The following PCDHGB5 variants were observed in gnomAD, a reference collection of about 807,000 sequenced individuals.
PCDHGB5 encodes protocadherin gamma subfamily B, 5, also known as protocadherin gamma-B5.
A neutral mutation model predicts 62.9 loss-of-function variants in PCDHGB5; 48 were observed. The observed-to-expected ratio is 0.76, with a 90% CI of 0.61 to 0.97. The LOEUF (loss-of-function observed/expected upper bound fraction) is 0.97. Ranked by LOEUF, PCDHGB5 falls within the 50% of genes least tolerant of loss-of-function variation. The pLI, the probability that PCDHGB5 is intolerant of heterozygous loss-of-function variation, is 0.00. For missense variants in PCDHGB5, 1,118 were observed against 1,198.6 expected, an observed-to-expected ratio of 0.93 and a Z score of 0.99; for synonymous variants, 474 against 511.2, an observed-to-expected ratio of 0.93 and a Z score of 0.98.
chr5:141,410,826 G>T, intron 1 of PCDHGB5: 4 of 379,152 alleles, frequency 1.1e-5, no homozygotes, highest in Non-Finnish European at 9.0e-6. Flanking sequence ...AATGTCACCA[G>T]ACTGAAGATA....
At position 141,485,437 on chromosome 5, in the gene PCDHGB5, C is replaced by A. The variant is rs2099613420; in HGVS notation, c.2398-9370C>A. The A allele has an allele frequency of 6.2e-7, 1 of 1,614,174 alleles. No individual in the cohort carries two copies. Among genetic ancestry groups the A allele is most frequent in the Non-Finnish European group, 8.5e-7 (1 of 1,180,028 alleles). On this transcript the variant is annotated intron_variant, in intron 1 of 3. Transcript: ENST00000617380. The surrounding 1 kb of genome is among the most constrained non-coding windows in gnomAD (Gnocchi z 5.7). ...ACAGCGGAGCCCTGCTCATCAAGAA[C>A]CCAATCGACCGAGAGGCACTGTGTG...
intron 3 of PCDHGB5, among the ~76,000 whole-genome samples, chr5:141,509,532 A>C (rs2099877210): frequency 6.6e-6 from 1 of 152,124 alleles, no homozygotes; most frequent in African/African-American, 2.4e-5. Flanking sequence ...GCACAGGATG[A>C]AGCACCATCT....
At chr5:141,506,252 C>T (rs1158047426) in intron 3 of PCDHGB5, among the ~76,000 whole-genome samples, 1 of 151,968 alleles carries the variant, frequency 6.6e-6, no homozygotes, top group African/African-American at 2.4e-5. Flanking sequence ...AGTTCGAAAC[C>T]GGCCTGGCCA....
chr5:141,499,725 C>T (rs554409998), intron 2 of PCDHGB5, among the ~76,000 whole-genome samples: 3 of 138,474 alleles, frequency 2.2e-5, no homozygotes, highest in African/African-American at 5.4e-5. Context: ...GACAGAGTCT[C>T]ACTCTCTTGC....
At chr5:141,466,794 T>C (rs1487051313) in intron 1 of PCDHGB5, among the ~76,000 whole-genome samples, 2 of 152,226 alleles carry the variant, frequency 1.3e-5, no homozygotes, top group Non-Finnish European at 2.9e-5. Context: ...TGCCTCAAAC[T>C]AGATCCTATT....
chr5:141,409,644 TG>T, intron 1 of PCDHGB5: 1 of 1,613,700 alleles, frequency 6.2e-7, no homozygotes, highest in Non-Finnish European at 8.5e-7. Flanking sequence ...GACCCGGATT[TG>T]GGGCTCAATG....
chr5:141,427,220 T>G (rs1487350481), intron 1 of PCDHGB5: 1 of 456,710 alleles, frequency 2.2e-6, no homozygotes, highest in East Asian at 6.9e-5. Flanking sequence ...TTCGTAGCAG[T>G]TATACCATGA....
At chr5:141,415,469 C>G (rs1247738517) in intron 1 of PCDHGB5, 1 of 1,614,090 alleles carries the variant, frequency 6.2e-7, no homozygotes, top group Non-Finnish European at 8.5e-7. Context: ...TCTCTCACCG[C>G]GGACTCGCGA....
intron 1 of PCDHGB5, chr5:141,415,853 GTAGT>G: frequency 2.5e-6 from 3 of 1,186,350 alleles, no homozygotes; most frequent in Non-Finnish European, 3.3e-6. Context: ...GCAGAACCTT[GTAGT>G]TTATAGTGTT....
intron 1 of PCDHGB5, chr5:141,478,628 T>G (rs1245431927): frequency 6.4e-7 from 1 of 1,553,704 alleles, no homozygotes; most frequent in African/African-American, 1.4e-5. Context: ...GAGCTGTTTT[T>G]TTAGTGATGA....
intron 1 of PCDHGB5, among the ~76,000 whole-genome samples, chr5:141,454,476 A>G (rs918910449): frequency 6.6e-6 from 1 of 151,806 alleles, no homozygotes; most frequent in Non-Finnish European, 1.5e-5. Flanking sequence ...GCATGATCTC[A>G]GCTCACCGCA....
chr5:141,399,237 A>C lies in PCDHGB5; in HGVS notation c.1110A>C (p.Gln370His). ...TLIALIKIHDQDSGENGEVNC... is the reference protein window; with the variant it reads ...TLIALIKIHDHDSGENGEVNC... ...TTGCTTTGATCAAAATACATGACCA[A>C]GATTCTGGGGAAAATGGGGAGGTTA... Residue 370 changes from glutamine to histidine, a missense_variant, in exon 1 of 4, where the codon CAA becomes CAC. Coordinates refer to ENST00000617380, the MANE Select transcript of PCDHGB5 (RefSeq NM_018925.3). 6.2e-7 allele frequency: 1 copy of C among 1,614,002 alleles called. No individual in the cohort carries two copies. Among genetic ancestry groups the C allele is most frequent in the Non-Finnish European group, 8.5e-7 (1 of 1,179,886 alleles).
At position 141,476,666 on chromosome 5, in the gene PCDHGB5, G is replaced by A. The variant is rs2099395856; in HGVS notation, c.2398-18141G>A. On this transcript the variant is annotated intron_variant, in intron 1 of 3. Coordinates refer to ENST00000617380, the MANE Select transcript of PCDHGB5 (RefSeq NM_018925.3). The surrounding 1 kb of genome is among the most constrained non-coding windows in gnomAD (Gnocchi z 7.6). The stretch of plus-strand genomic sequence containing the variant: ...CCGAAATGAATACTTTGCGCTTCGC[G>A]TGCAGACGCGGGAGGACAGCACCAA... 6.2e-7 allele frequency: 1 copy of A among 1,614,128 alleles called. No individual in the cohort carries two copies.
chr5:141,415,311 C>T, intron 1 of PCDHGB5: 2 of 1,614,242 alleles, frequency 1.2e-6, no homozygotes, highest in Non-Finnish European at 1.7e-6. Context: ...TGGCCTTCGT[C>T]ATCGTGCTGC....
chr5:141,455,759 A>G (rs1013283124), intron 1 of PCDHGB5, among the ~76,000 whole-genome samples: 4 of 152,300 alleles, frequency 2.6e-5, no homozygotes, highest in South Asian at 4.1e-4. Context: ...CCTGGCTCCT[A>G]GAGCCGGGGC....
chr5:141,456,122 C>A (rs1411002229), intron 1 of PCDHGB5, among the ~76,000 whole-genome samples: 1 of 152,176 alleles, frequency 6.6e-6, no homozygotes, highest in East Asian at 1.9e-4. Context: ...TGGTCTCCAT[C>A]TCCTGACCTC....
rs1385408442 is a variant in PCDHGB5 at position 141,487,321 on chromosome 5, T to A, written c.2398-7486T>A. 1 of 1,614,198 alleles carries A rather than the reference T, an allele frequency of 6.2e-7. No homozygotes were observed. The highest frequency in any genetic ancestry group is 1.7e-5 in the Admixed American group (1 of 60,032). ...TCGTGGCACTACTCTCTAAGTGTCT[T>A]CGTGGGGCAGCCTGTGGAGTCACAT... is the stretch of plus-strand genomic sequence containing the variant. On this transcript the variant is annotated intron_variant, in intron 1 of 3. Transcript: ENST00000617380. This position sits in a 1 kb window ranked among gnomAD's most constrained non-coding sequence, Gnocchi z 5.0.
Position 141,486,829 on chromosome 5 carries a change from T to A in PCDHGB5, c.2398-7978T>A. 1 of 1,614,178 alleles carries A rather than the reference T, an allele frequency of 6.2e-7. No individual in the cohort carries two copies. On this transcript the variant is annotated intron_variant, in intron 1 of 3. Coordinates refer to ENST00000617380, the MANE Select transcript of PCDHGB5 (RefSeq NM_018925.3). The surrounding 1 kb of genome is among the most constrained non-coding windows in gnomAD (Gnocchi z 5.0). ...CCCTTAGCAGCACTGTAACAGTTCG[T>A]CTATTTGTGCTGGACCTCAATGACA...
chr5:141,419,209 G>A (rs541061354), intron 1 of PCDHGB5: 11 of 1,613,900 alleles, frequency 6.8e-6, no homozygotes, highest in South Asian at 5.5e-5. Context: ...ACAACGCGCC[G>A]GTTTTCGGAC....
Sources: allele counts gnomAD v4.1 joint callset (sites outside exome capture counted in the v4.1 genomes callset), GRCh38; gene constraint gnomAD v4.1.1; non-coding constraint Gnocchi (gnomAD v3.1); transcripts MANE v1.5; gene names NCBI Gene and HGNC (gene_info 2026-07-23, HGNC 2026-07-21).